Variants in SLC10A2 observed in about 807,000 individuals in gnomAD.
SLC10A2 encodes the protein ileal sodium/bile acid cotransporter.
In SLC10A2, 34 loss-of-function variants were observed where a neutral mutation model predicts 27.1. That is an observed-to-expected ratio of 1.26 (90% CI 0.96 to 1.67). The LOEUF is 1.67. Ranked by LOEUF, SLC10A2 falls within the 40% of genes most tolerant of loss-of-function variation. SLC10A2 has a pLI of 0.00. For synonymous variants in SLC10A2, 205 were observed against 174.0 expected, an observed-to-expected ratio of 1.18 and a Z score of -1.40; for missense variants, 530 against 444.4, an observed-to-expected ratio of 1.19 and a Z score of -1.73.
chr13:103,058,405 A>G, intron 1 of SLC10A2, 23 bp from the exon 2 acceptor site: 2 of 1,336,304 alleles, frequency 1.5e-6, no homozygotes, highest in East Asian at 2.3e-5. Flanking sequence ...GGGCAGATTG[A>G]TACATCCACC....
chr13:103,059,006 G>A (rs1031205123), intron 1 of SLC10A2, among the ~76,000 whole-genome samples: 4 of 152,132 alleles, frequency 2.6e-5, no homozygotes. Context: ...GTGTATTTCT[G>A]TTTTTAGGTC....
rs1161121454 is a variant in SLC10A2 at position 103,044,545 on chromosome 13, T to C, written c.*1588A>G. 6.6e-6 allele frequency: 1 copy of C among 152,162 alleles called. No homozygotes were observed. Among genetic ancestry groups the C allele is most frequent in the Non-Finnish European group, 1.5e-5 (1 of 68,030 alleles). The allele number at this position is 152,162 out of a possible 1,614,324, so 9.4% of individuals were successfully genotyped here. On this transcript the variant is annotated 3_prime_UTR_variant, in exon 6 of 6. Coordinates refer to ENST00000245312, the MANE Select transcript of SLC10A2 (RefSeq NM_000452.3). ...GAAAAATATGAAGTACTTATTCAAC[T>C]GTAAATGGAAATCTTGCATAAAAAG...
chr13:103,058,296 G>C lies in SLC10A2; in HGVS notation c.464C>G (p.Ser155Cys). 2 of 1,611,246 alleles carry C rather than the reference G, an allele frequency of 1.2e-6. No homozygotes were observed. The highest frequency in any genetic ancestry group is 1.7e-4 in the Middle Eastern group (1 of 6,048). Residue 155 changes from serine to cysteine, a missense_variant, in exon 2 of 6, where the codon TCT becomes TGT. Ser to Cys is a moderately radical substitution (Grantham distance 112). Coordinates refer to ENST00000245312, the MANE Select transcript of SLC10A2 (RefSeq NM_000452.3). ...ATCATAGGGAATTACGATGCTCCCA[G>C]AGTCGACCCACATTTTGGTATAGAT... ...LLIYTKMWVD[S>C]GSIVIPYDNI...
At chr13:103,053,262 A>G (rs1436882321) in intron 2 of SLC10A2, among the ~76,000 whole-genome samples, 1 of 152,198 alleles carries the variant, frequency 6.6e-6, no homozygotes, top group African/African-American at 2.4e-5. Flanking sequence ...CTGACATCTG[A>G]CTTTTGGTTA....
At chr13:103,057,189 T>C (rs993221734) in intron 2 of SLC10A2, among the ~76,000 whole-genome samples, 2 of 152,140 alleles carry the variant, frequency 1.3e-5, no homozygotes, top group Non-Finnish European at 2.9e-5. Context: ...TTGGGGCATA[T>C]AGTGTACCTG....
At position 103,066,251 on chromosome 13, in the gene SLC10A2, G is replaced by T. The variant is rs745808921; in HGVS notation, c.-2C>A. The stretch of plus-strand genomic sequence containing the variant: ...CACACAGCTGTTCGGATCATTCATT[G>T]CTGGGTCTGCTGCTGGAAAGGCCAA... On this transcript the variant is annotated 5_prime_UTR_variant, in exon 1 of 6. Coordinates refer to ENST00000245312, the MANE Select transcript of SLC10A2 (RefSeq NM_000452.3). The T allele has an allele frequency of 1.9e-6, 3 of 1,596,108 alleles. No homozygotes were observed. In the Admixed American group the frequency reaches 5.1e-5, roughly 27 times the overall value.
In SLC10A2 at chr13:103,065,870, T is replaced by A; in HGVS notation, c.377+3A>T. ...CAGTAGTTAGAGGTATAGATAATCT[T>A]ACCTCAGGTCCATGTCGCCATCGAC... On this transcript the variant is annotated splice_donor_region_variant and intron_variant, in intron 1 of 5. Transcript: ENST00000245312. The A allele has an allele frequency of 6.2e-7, 1 of 1,614,058 alleles. No homozygotes were observed. Among genetic ancestry groups the A allele is most frequent in the Non-Finnish European group, 8.5e-7 (1 of 1,180,010 alleles).
intron 4 of SLC10A2, 66 bp downstream of exon 4, chr13:103,051,191 T>C (rs1325132962): frequency 6.5e-7 from 1 of 1,533,054 alleles, no homozygotes; most frequent in Non-Finnish European, 9.0e-7. Flanking sequence ...TTATGGCACC[T>C]CTAGCAAAGG....
intron 3 of SLC10A2, 27 bp downstream of exon 3, chr13:103,052,593 T>C: frequency 7.0e-7 from 1 of 1,426,952 alleles, no homozygotes; most frequent in Non-Finnish European, 9.9e-7. Flanking sequence ...CAGTGGAATA[T>C]TTAATGGTGT....
chr13:103,066,051 C>T lies in SLC10A2; in HGVS notation c.199G>A (p.Gly67Ser), dbSNP rs1278492050. ...KFLGHIKRPW[G>S]ICVGFLCQFG... Reference sequence around the variant, plus strand: ...TGACAGAGGAAGCCAACACAAATGCCCCACGGCCGCTTTATGTGCCCTAGA... The same window carrying T: ...TGACAGAGGAAGCCAACACAAATGCTCCACGGCCGCTTTATGTGCCCTAGA... The change falls in exon 1 of 6, where the codon GGC becomes AGC. Residue 67 changes from glycine (G) to serine (S), a missense_variant. By Grantham distance (56) the Gly-to-Ser change is moderately conservative (BLOSUM62 0). Coordinates refer to ENST00000245312, the MANE Select transcript of SLC10A2 (RefSeq NM_000452.3). 6.2e-7 allele frequency: 1 copy of T among 1,614,146 alleles called. No individual in the cohort carries two copies.
chr13:103,060,151 AG>A (rs1876068063), intron 1 of SLC10A2, among the ~76,000 whole-genome samples: 1 of 152,120 alleles, frequency 6.6e-6, no homozygotes, highest in Non-Finnish European at 1.5e-5. Context: ...TCCTCTTCAA[AG>A]GGATCTGTAC....
At chr13:103,056,842 AT>A (rs202016955) in intron 2 of SLC10A2, among the ~76,000 whole-genome samples, 7 of 150,512 alleles carry the variant, frequency 4.7e-5, no homozygotes, top group East Asian at 2.0e-4. Flanking sequence ...AAGGAGGACA[AT>A]TTTTTTTTTG....
intron 1 of SLC10A2, 117 bp downstream of exon 1, chr13:103,065,756 G>GATTCCTT (rs1876251844): frequency 3.4e-6 from 4 of 1,159,788 alleles, no homozygotes; most frequent in East Asian, 2.3e-5. Context: ...TCTCCTGTTT[G>GATTCCTT]ATTCCTTAGT....
chr13:103,044,179 A>G lies in SLC10A2; in HGVS notation c.*1954T>C, dbSNP rs966298239. ...CTAGCAAATTAGGGAAAAAGACTCA[A>G]GTCACAAGTTACCGCATCATGTAAG... On this transcript the variant is annotated 3_prime_UTR_variant, in exon 6 of 6. Coordinates refer to ENST00000245312, the MANE Select transcript of SLC10A2 (RefSeq NM_000452.3). 2.6e-5 allele frequency: 4 copies of G among 152,210 alleles called. No individual in the cohort carries two copies. Among genetic ancestry groups the G allele is most frequent in the African/African-American group, 9.6e-5 (4 of 41,462 alleles). 9.4% of individuals were successfully genotyped at this position (152,210 alleles called of 1,614,324 possible). A position where few individuals can be genotyped will look rare whatever the true frequency, so the allele number is the denominator to read the frequency against.
rs199566966 is a variant in SLC10A2, at chr13:103,066,114, T to A, written c.136A>T (p.Met46Leu). 2 of 1,613,774 alleles carry A rather than the reference T, an allele frequency of 1.2e-6. No homozygotes were observed. Among genetic ancestry groups the A allele is most frequent in the Non-Finnish European group, 1.7e-6 (2 of 1,179,902 alleles). The stretch of plus-strand genomic sequence containing the variant: ...TCCACGTTGCATCCCATGGAGAACA[T>A]CACCAAGGCCAACAGGATGGTCAGC... ...TVLTILLALV[M>L]FSMGCNVEIK... The change falls in exon 1 of 6, where the codon ATG (methionine) becomes TTG (leucine). Residue 46 changes from methionine to leucine, a missense_variant. By Grantham distance (15) the Met-to-Leu change is conservative. Coordinates refer to ENST00000245312, the MANE Select transcript of SLC10A2 (RefSeq NM_000452.3).
chr13:103,060,807 C>T (rs961968358), intron 1 of SLC10A2, among the ~76,000 whole-genome samples: 1 of 152,002 alleles, frequency 6.6e-6, no homozygotes, highest in Non-Finnish European at 1.5e-5. Context: ...TTGAGGTTGT[C>T]AAGAGTAGTA....
At chr13:103,059,673 T>C (rs1404664026) in intron 1 of SLC10A2, among the ~76,000 whole-genome samples, 2 of 152,088 alleles carry the variant, frequency 1.3e-5, no homozygotes, top group Admixed American at 1.3e-4. Context: ...GGGTGTGCCA[T>C]CCTTCAAACA....
chr13:103,058,850 G>A (rs1384750804), intron 1 of SLC10A2, among the ~76,000 whole-genome samples: 1 of 152,106 alleles, frequency 6.6e-6, no homozygotes, highest in Non-Finnish European at 1.5e-5. Flanking sequence ...TCTTTATCCA[G>A]TCTATCATTG....
intron 3 of SLC10A2, 85 bp downstream of exon 3, chr13:103,052,535 A>G: frequency 1.0e-6 from 1 of 964,006 alleles, no homozygotes; most frequent in Admixed American, 1.7e-5. Flanking sequence ...TCATATAATG[A>G]GAATGAAACC....
Sources: gnomAD v4.1 joint callset for allele counts (sites outside exome capture counted in the v4.1 genomes callset) on GRCh38, gnomAD v4.1.1 for gene constraint, MANE v1.5 for transcripts, NCBI Gene and HGNC (gene_info 2026-07-23, HGNC 2026-07-21) for gene names.